ACTR3C: variants seen among roughly 807,000 people sequenced by gnomAD.
ACTR3C encodes the protein actin related protein 3C.
A neutral mutation model predicts 26.3 loss-of-function variants in ACTR3C; 18 were observed. The ratio of observed to expected loss-of-function variants is 0.68; its 90% CI spans 0.47 to 1.01. The LOEUF (loss-of-function observed/expected upper bound fraction) is 1.01, where lower values mean the gene tolerates loss of function less well. Ranked by LOEUF, ACTR3C falls within the 50% of genes least tolerant of loss-of-function variation. The pLI is 0.00. For synonymous variants in ACTR3C, 55 were observed against 94.5 expected, an observed-to-expected ratio of 0.58 and a Z score of 2.42; for missense variants, 184 against 250.7, an observed-to-expected ratio of 0.73 and a Z score of 1.80.
At chr7:149,893,405 G>A in the ACTR3C span, among the ~76,000 whole-genome samples, 2 of 152,196 alleles carry the variant, frequency 1.3e-5, no homozygotes, top group African/African-American at 4.8e-5. Flanking sequence ...AGGCTCAGAT[G>A]TCAATAACTA....
the ACTR3C span, among the ~76,000 whole-genome samples, chr7:150,026,769 G>C: frequency 2.0e-5 from 3 of 152,112 alleles, no homozygotes; most frequent in Non-Finnish European, 2.9e-5. Context: ...AAAAATCTTA[G>C]AGAAGCAAAT....
the ACTR3C span, among the ~76,000 whole-genome samples, chr7:150,117,246 C>A: frequency 3.3e-5 from 5 of 152,220 alleles, no homozygotes; most frequent in African/African-American, 4.8e-5. Context: ...GTTCACTCAC[C>A]TGGAAAGGAG....
chr7:149,938,738 C>T, the ACTR3C span, among the ~76,000 whole-genome samples: 1,392 of 150,632 alleles, frequency 9.2e-3, 23 homozygotes, highest in African/African-American at 0.03. Flanking sequence ...AAAAAGAGAA[C>T]GTAATATTGT....
chr7:150,059,574 G>A, the ACTR3C span, among the ~76,000 whole-genome samples: 6 of 152,206 alleles, frequency 3.9e-5, no homozygotes, highest in African/African-American at 9.6e-5. Flanking sequence ...AGGAGTATGA[G>A]TCTGAAAGAG....
At chr7:149,957,604 C>A in the ACTR3C span, among the ~76,000 whole-genome samples, 1 of 152,232 alleles carries the variant, frequency 6.6e-6, no homozygotes, top group African/African-American at 2.4e-5. Context: ...GGACTTTGGC[C>A]TTGGACTGAA....
chr7:150,267,258 A>C (rs368275001), intron 6 of ACTR3C, among the ~76,000 whole-genome samples: 7 of 152,362 alleles, frequency 4.6e-5, no homozygotes, highest in African/African-American at 1.2e-4. Context: ...TCTGCGGCTC[A>C]CGCTCCACGG....
chr7:150,103,174 G>A, the ACTR3C span, among the ~76,000 whole-genome samples: 2 of 152,046 alleles, frequency 1.3e-5, no homozygotes, highest in South Asian at 2.1e-4. Context: ...TGGGCCTTAA[G>A]TGATCACCAG....
At chr7:149,982,042 G>A in the ACTR3C span, among the ~76,000 whole-genome samples, 1 of 152,230 alleles carries the variant, frequency 6.6e-6, no homozygotes, top group African/African-American at 2.4e-5. Flanking sequence ...GAAGTCAGGT[G>A]TAAATCAGGG....
At chr7:150,163,721 T>G in the ACTR3C span, among the ~76,000 whole-genome samples, 3 of 151,636 alleles carry the variant, frequency 2.0e-5, no homozygotes, top group Non-Finnish European at 4.4e-5. Flanking sequence ...TGAATCCGAG[T>G]CCAAGGGCCA....
At chr7:149,992,146 A>T in the ACTR3C span, among the ~76,000 whole-genome samples, 6 of 152,256 alleles carry the variant, frequency 3.9e-5, no homozygotes, top group Admixed American at 3.3e-4. Flanking sequence ...TGCAAAGGTT[A>T]AGAGCTGCAA....
At chr7:150,181,839 A>T in the ACTR3C span, among the ~76,000 whole-genome samples, 2,666 of 150,456 alleles carry the variant, frequency 0.018, 142 homozygotes, top group East Asian at 0.038. Context: ...ACTGAAATTG[A>T]GTATAATTGA....
the ACTR3C span, among the ~76,000 whole-genome samples, chr7:149,903,735 G>T: frequency 3.3e-5 from 5 of 150,628 alleles, no homozygotes; most frequent in East Asian, 9.8e-4. Context: ...GTAGAGACAG[G>T]GTCTCACTAT....
chr7:149,905,372 GA>G, the ACTR3C span, among the ~76,000 whole-genome samples: 1 of 150,954 alleles, frequency 6.6e-6, no homozygotes, highest in Admixed American at 6.6e-5. Context: ...CTTCCGCATG[GA>G]AAACAAAATT....
the ACTR3C span, among the ~76,000 whole-genome samples, chr7:150,086,448 G>C: frequency 6.6e-6 from 1 of 152,188 alleles, no homozygotes; most frequent in Non-Finnish European, 1.5e-5. Flanking sequence ...TTTGGGCTCA[G>C]TCAGAAATTC....
chr7:150,188,754 C>T, the ACTR3C span, among the ~76,000 whole-genome samples: 1 of 151,726 alleles, frequency 6.6e-6, no homozygotes, highest in Non-Finnish European at 1.5e-5. Flanking sequence ...AAACTGTACA[C>T]TAAAATGGGT....
the ACTR3C span, among the ~76,000 whole-genome samples, chr7:150,169,168 T>C: frequency 6.7e-6 from 1 of 149,428 alleles, no homozygotes; most frequent in African/African-American, 2.5e-5. Flanking sequence ...CATCAGGAGG[T>C]CAGGAGATCA....
the ACTR3C span, among the ~76,000 whole-genome samples, chr7:149,958,503 G>T: frequency 1.3e-5 from 2 of 152,216 alleles, no homozygotes; most frequent in African/African-American, 4.8e-5. Context: ...AGCATCTGGA[G>T]ATTTTCCAAA....
chr7:150,299,806 G>A (rs13307186), intron 1 of ACTR3C, among the ~76,000 whole-genome samples: 1 of 151,954 alleles, frequency 6.6e-6, no homozygotes, highest in African/African-American at 2.4e-5. Context: ...AACAAGGTCG[G>A]GGGAGAGGGG....
the ACTR3C span, among the ~76,000 whole-genome samples, chr7:149,927,701 C>T: frequency 6.7e-6 from 1 of 149,950 alleles, no homozygotes; most frequent in South Asian, 2.2e-4. Context: ...CTACTCCAGT[C>T]TGAACAATGA....
Sources: gnomAD v4.1 joint callset for allele counts (sites outside exome capture counted in the v4.1 genomes callset) on GRCh38, gnomAD v4.1.1 for gene constraint, MANE v1.5 for transcripts, NCBI Gene and HGNC (gene_info 2026-07-23, HGNC 2026-07-21) for gene names.